Variants in NRXN3 observed in about 807,000 individuals in gnomAD.
The protein encoded by NRXN3 is neurexin 3, also known as neurexin III.
In NRXN3, 32 loss-of-function variants were observed where a neutral mutation model predicts 137.6. The ratio of observed to expected loss-of-function variants is 0.23; its 90% CI spans 0.18 to 0.31. The LOEUF (loss-of-function observed/expected upper bound fraction) is 0.31. Ranked by LOEUF, NRXN3 falls within the 10% of genes least tolerant of loss-of-function variation. The pLI, the probability that NRXN3 is intolerant of heterozygous loss-of-function variation, is 1.00. For missense variants in NRXN3, 1,574 were observed against 2,062.5 expected, an observed-to-expected ratio of 0.76 and a Z score of 4.59; for synonymous variants, 798 against 784.5, an observed-to-expected ratio of 1.02 and a Z score of -0.29.
At chr14:78,804,066 A>G (rs2098847597) in intron 9 of NRXN3, among the ~76,000 whole-genome samples, 1 of 152,158 alleles carries the variant, frequency 6.6e-6, no homozygotes, top group Non-Finnish European at 1.5e-5. Context: ...TTTGTTTTCT[A>G]AGTTTCCTTT....
chr14:78,935,340 A>G (rs1049992966), intron 10 of NRXN3, among the ~76,000 whole-genome samples: 12 of 152,122 alleles, frequency 7.9e-5, no homozygotes, highest in African/African-American at 2.7e-4. Flanking sequence ...CCAGGTCCAC[A>G]TTTCTGAGTA....
intron 8 of NRXN3, among the ~76,000 whole-genome samples, chr14:78,741,570 T>C (rs911453638): frequency 6.6e-6 from 1 of 152,200 alleles, no homozygotes; most frequent in Non-Finnish European, 1.5e-5. Context: ...TACAACTTGA[T>C]GAGTTTGAGA....
At chr14:79,724,737 C>A (rs1230413760) in intron 19 of NRXN3, among the ~76,000 whole-genome samples, 1 of 152,108 alleles carries the variant, frequency 6.6e-6, no homozygotes, top group Non-Finnish European at 1.5e-5. Flanking sequence ...AGTTCAGCTA[C>A]ACAGTATATG....
At chr14:78,744,172 C>T (rs757011202) in intron 8 of NRXN3, among the ~76,000 whole-genome samples, 3 of 152,100 alleles carry the variant, frequency 2.0e-5, no homozygotes, top group Non-Finnish European at 4.4e-5. Context: ...GGAGGAGTCT[C>T]ACTCTGCCAC....
At chr14:79,184,169 A>T (rs1009223332) in intron 15 of NRXN3, among the ~76,000 whole-genome samples, 13 of 152,196 alleles carry the variant, frequency 8.5e-5, no homozygotes, top group Non-Finnish European at 1.6e-4. Flanking sequence ...CCTGCAATGT[A>T]AGCTCATTAA....
chr14:78,275,941 C>T (rs1476050055), intron 2 of NRXN3, among the ~76,000 whole-genome samples: 1 of 152,182 alleles, frequency 6.6e-6, no homozygotes, highest in African/African-American at 2.4e-5. Flanking sequence ...TTACCTTTGC[C>T]ATTTCGTTCT....
At chr14:78,247,825 A>G (rs2067920596) in intron 2 of NRXN3, among the ~76,000 whole-genome samples, 1 of 152,226 alleles carries the variant, frequency 6.6e-6, no homozygotes, top group Non-Finnish European at 1.5e-5. Context: ...ATTCTTGGTT[A>G]TGAATGTGCC....
In NRXN3 at chr14:78,407,479, T is replaced by C. The variant is rs759006910; in HGVS notation, c.757+109619T>C. Among the ~76,000 whole-genome samples the C allele has an allele frequency of 2.6e-5, 4 of 152,196 alleles. No homozygotes were observed. In the South Asian group the frequency reaches 8.3e-4, roughly 32 times the overall value. On this transcript the variant is annotated intron_variant, in intron 4 of 20. Coordinates refer to ENST00000335750, the MANE Select transcript of NRXN3 (RefSeq NM_001330195.2). ...GGGTTATGCTTTGGAAGGCCATTTT[T>C]TTCCTGTGTTTGAACCAAATTGAAT...
At position 78,569,793 on chromosome 14, in the gene NRXN3, CAA is replaced by C. The variant is rs1158429208; in HGVS notation, c.758-75326_758-75325del. Among the ~76,000 whole-genome samples, 150 of 151,854 alleles carry C rather than the reference CAA, an allele frequency of 9.9e-4. 3 individuals are homozygous for C. Among genetic ancestry groups the C allele is most frequent in the Admixed American group, 7.8e-3 (117 of 15,042 alleles). ...CAGGCTGGTCTCAAACTCCTGATCTCAAGTGATCTACCCGCCTCGGCCTCCCA... is the reference window on the plus strand; with the variant it reads ...CAGGCTGGTCTCAAACTCCTGATCTCGTGATCTACCCGCCTCGGCCTCCCA... On this transcript the variant is annotated intron_variant, in intron 4 of 20. Transcript: ENST00000335750.
chr14:78,478,792 G>T (rs1020044323), intron 4 of NRXN3, among the ~76,000 whole-genome samples: 2 of 152,186 alleles, frequency 1.3e-5, no homozygotes, highest in Non-Finnish European at 2.9e-5. Flanking sequence ...TCTACATTAT[G>T]TGTGTTTCTG....
At chr14:79,314,682 A>G (rs1176116464) in intron 15 of NRXN3, among the ~76,000 whole-genome samples, 2 of 141,032 alleles carry the variant, frequency 1.4e-5, no homozygotes, top group Admixed American at 7.3e-5. Flanking sequence ...AGCTTTGAAG[A>G]GAGCAGTGGT....
intron 10 of NRXN3, among the ~76,000 whole-genome samples, chr14:78,829,556 C>T (rs2098976117): frequency 6.6e-6 from 1 of 151,980 alleles, no homozygotes. Flanking sequence ...TGTCTAGAAG[C>T]CCAAAACTCA....
intron 20 of NRXN3, among the ~76,000 whole-genome samples, chr14:79,817,921 G>A (rs918744936): frequency 3.3e-5 from 5 of 152,136 alleles, no homozygotes; most frequent in African/African-American, 9.6e-5. Context: ...TCAAATAACC[G>A]TGGTTAAAAC....
chr14:78,724,540 A>G (rs779415990), intron 8 of NRXN3, among the ~76,000 whole-genome samples: 2 of 152,072 alleles, frequency 1.3e-5, no homozygotes, highest in Non-Finnish European at 2.9e-5. Context: ...TGAGTGGTCA[A>G]TAGAATAGAA....
chr14:78,878,773 T>C (rs577934624), intron 10 of NRXN3, among the ~76,000 whole-genome samples: 11 of 152,280 alleles, frequency 7.2e-5, no homozygotes, highest in African/African-American at 2.6e-4. Context: ...AGTCATTATA[T>C]TGTACAATGG....
At chr14:79,109,026 A>C (rs1306227941) in intron 15 of NRXN3, among the ~76,000 whole-genome samples, 1 of 152,182 alleles carries the variant, frequency 6.6e-6, no homozygotes, top group Non-Finnish European at 1.5e-5. Context: ...ATAATATGAC[A>C]ATTTCTGTTC....
intron 10 of NRXN3, among the ~76,000 whole-genome samples, chr14:78,928,924 A>T (rs1212171105): frequency 6.6e-6 from 1 of 152,154 alleles, no homozygotes; most frequent in Non-Finnish European, 1.5e-5. Context: ...AACAGTGTAA[A>T]AGCATTCCTA....
chr14:78,957,889 C>A (rs890133650), intron 11 of NRXN3, among the ~76,000 whole-genome samples: 1 of 152,142 alleles, frequency 6.6e-6, no homozygotes, highest in African/African-American at 2.4e-5. Context: ...CACTACACAC[C>A]ATTTTACAAG....
chr14:79,495,344 T>C (rs2096756161), intron 16 of NRXN3, among the ~76,000 whole-genome samples: 1 of 152,228 alleles, frequency 6.6e-6, no homozygotes, highest in Non-Finnish European at 1.5e-5. Flanking sequence ...ATGCCATGCC[T>C]AGTCAGAGTT....
Sources: allele counts gnomAD v4.1 joint callset (sites outside exome capture counted in the v4.1 genomes callset), GRCh38; gene constraint gnomAD v4.1.1; transcripts MANE v1.5; gene names NCBI Gene and HGNC (gene_info 2026-07-23, HGNC 2026-07-21).